The following EPHX4 variants were observed in gnomAD, a reference collection of about 807,000 sequenced individuals.
The protein encoded by EPHX4 is epoxide hydrolase 4.
A neutral mutation model predicts 44.9 loss-of-function variants in EPHX4; 31 were observed. That is an observed-to-expected ratio of 0.69 (90% CI 0.52 to 0.93). The LOEUF is 0.93. EPHX4 is among the 40% of genes least tolerant of loss of function. The probability of loss-of-function intolerance (pLI) is 0.00; values close to 1 mark genes in which losing one functional copy is unlikely to be tolerated. For missense variants in EPHX4, 373 were observed against 438.1 expected, an observed-to-expected ratio of 0.85 and a Z score of 1.33; for synonymous variants, 151 against 159.7, an observed-to-expected ratio of 0.95 and a Z score of 0.41.
rs201357000 is a variant in EPHX4, at chr1:92,042,960, A to G, written c.455A>G (p.Lys152Arg). The change falls in exon 3 of 7, where the codon AAG becomes AGG. Residue 152 changes from lysine to arginine, a missense_variant. Physicochemically the swap from Lys to Arg is conservative, Grantham distance 26 (BLOSUM62 2). Coordinates refer to ENST00000370383, the MANE Select transcript of EPHX4 (RefSeq NM_173567.5). ...TTGGATTGTCTAATTACAGATATAA[A>G]GGATATTTTAGATTCTTTAGGTAGG... ...YKLDCLITDI[K>R]DILDSLGYSK... 130 of 1,607,528 alleles carry G rather than the reference A, an allele frequency of 8.1e-5. No individual in the cohort carries two copies. Among genetic ancestry groups the G allele is most frequent in the Admixed American group, 2.9e-4 (17 of 59,318 alleles).
chr1:92,031,823 G>A (rs974955509), intron 1 of EPHX4, among the ~76,000 whole-genome samples: 1 of 151,686 alleles, frequency 6.6e-6, no homozygotes, highest in Non-Finnish European at 1.5e-5. Flanking sequence ...TTTTCCTTGG[G>A]TTTTCTTGTC....
chr1:92,030,492 G>GTGTGTGTGTGTGT (rs1557880299), intron 1 of EPHX4, among the ~76,000 whole-genome samples, 182 bp downstream of exon 1: 1 of 96,964 alleles, frequency 1.0e-5, no homozygotes, highest in African/African-American at 3.3e-5. Context: ...GTGTGAGAGA[G>GTGTGTGTGTGTGT]AGAGAGAGAG....
intron 6 of EPHX4, 125 bp from the exon 7 acceptor site, chr1:92,062,930 C>A: frequency 1.3e-6 from 1 of 779,684 alleles, no homozygotes; most frequent in South Asian, 1.9e-5. Flanking sequence ...CCCAAGAACA[C>A]AATTTTCACC....
chr1:92,062,211 A>C (rs1647512099), intron 6 of EPHX4, among the ~76,000 whole-genome samples: 1 of 152,192 alleles, frequency 6.6e-6, no homozygotes, highest in Non-Finnish European at 1.5e-5. Context: ...AACAATTTAA[A>C]ATAAAGCTAA....
At chr1:92,036,330 T>C (rs1343360538) in intron 2 of EPHX4, among the ~76,000 whole-genome samples, 1 of 152,166 alleles carries the variant, frequency 6.6e-6, no homozygotes, top group African/African-American at 2.4e-5. Context: ...TTGTGCGTGT[T>C]TTTCACAGTC....
At chr1:92,062,087 TAAAAAA>T (rs1364060815) in intron 6 of EPHX4, among the ~76,000 whole-genome samples, 1 of 152,082 alleles carries the variant, frequency 6.6e-6, no homozygotes, top group Non-Finnish European at 1.5e-5. Context: ...AACTTTGTTT[TAAAAAA>T]TAATCTTCTT....
rs1428125452 is a variant in EPHX4, at chr1:92,050,369, C to T, written c.657C>T (p.Phe219=). The change falls in exon 5 of 7, where the codon TTC becomes TTT. Residue 219 remains phenylalanine, a synonymous_variant. Coordinates refer to ENST00000370383, the MANE Select transcript of EPHX4 (RefSeq NM_173567.5). The part of the protein sequence containing the change: ...AQLLKSSYYY[F]FQIPWFPEFM... ...TGTTGAAATCCAGTTATTATTACTT[C>T]TTCCAAATACCATGGTTCCCAGAAT... 1 of 1,605,606 alleles carries T rather than the reference C, an allele frequency of 6.2e-7. No individual in the cohort carries two copies. Among genetic ancestry groups the T allele is most frequent in the African/African-American group, 1.3e-5 (1 of 74,776 alleles).
intron 6 of EPHX4, among the ~76,000 whole-genome samples, chr1:92,055,579 G>A (rs940433387): frequency 2.6e-5 from 4 of 152,122 alleles, no homozygotes; most frequent in African/African-American, 9.7e-5. Context: ...AAGGCAGATA[G>A]ATTGCAGAGG....
chr1:92,042,036 C>A (rs1043616835), intron 2 of EPHX4, among the ~76,000 whole-genome samples: 2 of 151,964 alleles, frequency 1.3e-5, no homozygotes, highest in South Asian at 4.2e-4. Context: ...GCAATAAGAG[C>A]GAAACTCTGT....
chr1:92,062,248 T>A (rs1647513054), intron 6 of EPHX4, among the ~76,000 whole-genome samples: 1 of 151,954 alleles, frequency 6.6e-6, no homozygotes, highest in Non-Finnish European at 1.5e-5. Context: ...AGTTTAAATC[T>A]CTCTTTCATT....
At chr1:92,060,740 A>G (rs922203640) in intron 6 of EPHX4, among the ~76,000 whole-genome samples, 3 of 151,988 alleles carry the variant, frequency 2.0e-5, no homozygotes, top group African/African-American at 7.2e-5. Context: ...CTCTTTGACT[A>G]ATGGTCTTTT....
chr1:92,041,973 C>T (rs939426924), intron 2 of EPHX4, among the ~76,000 whole-genome samples: 4 of 152,082 alleles, frequency 2.6e-5, no homozygotes, highest in South Asian at 2.1e-4. Context: ...TGCTTGAACC[C>T]GGGAGGCAGA....
At chr1:92,051,343 A>G (rs1289123063) in intron 5 of EPHX4, among the ~76,000 whole-genome samples, 1 of 152,060 alleles carries the variant, frequency 6.6e-6, no homozygotes, top group Non-Finnish European at 1.5e-5. Flanking sequence ...ATTAACTGTC[A>G]TAACTGTCTT....
chr1:92,048,357 G>A (rs996630192), intron 4 of EPHX4, among the ~76,000 whole-genome samples: 5 of 152,170 alleles, frequency 3.3e-5, no homozygotes, highest in African/African-American at 1.2e-4. Flanking sequence ...TTATTTTGGT[G>A]GTGGTGCTAT....
chr1:92,042,970 A>C lies in EPHX4; in HGVS notation c.465A>C (p.Leu155Phe). Residue 155 changes from leucine to phenylalanine, a missense_variant, in exon 3 of 7, where the codon TTA becomes TTC. By Grantham distance (22) the Leu-to-Phe change is conservative. Transcript: ENST00000370383. ...TAATTACAGATATAAAGGATATTTTAGATTCTTTAGGTAGGTTAGTTTGAA... is the reference window on the plus strand; with the variant it reads ...TAATTACAGATATAAAGGATATTTTCGATTCTTTAGGTAGGTTAGTTTGAA... The part of the protein sequence containing the change: ...DCLITDIKDI[L>F]DSLGYSKCVL... 6.2e-7 allele frequency: 1 copy of C among 1,604,176 alleles called. No homozygotes were observed. The highest frequency in any genetic ancestry group is 8.5e-7 in the Non-Finnish European group (1 of 1,174,518).
chr1:92,047,030 A>G (rs1004628407), intron 4 of EPHX4, among the ~76,000 whole-genome samples: 2 of 152,176 alleles, frequency 1.3e-5, no homozygotes, highest in African/African-American at 4.8e-5. Context: ...AGTATTGCAA[A>G]GCTGTGAAGC....
chr1:92,047,090 T>C (rs556516502), intron 4 of EPHX4, among the ~76,000 whole-genome samples: 1 of 152,342 alleles, frequency 6.6e-6, no homozygotes, highest in South Asian at 2.1e-4. Flanking sequence ...CATTTGAAAG[T>C]CTGATTTTTA....
At chr1:92,054,948 G>T (rs917943512) in intron 6 of EPHX4, among the ~76,000 whole-genome samples, 6 of 152,000 alleles carry the variant, frequency 3.9e-5, no homozygotes, top group African/African-American at 1.4e-4. Context: ...TAAAAAGCAA[G>T]TTGTAATTTT....
Position 92,042,846 on chromosome 1 carries a change from G to A in EPHX4, c.341G>A (p.Arg114Lys), listed in dbSNP as rs1404014584. 2 of 1,611,764 alleles carry A rather than the reference G, an allele frequency of 1.2e-6. No homozygotes were observed. Among genetic ancestry groups the A allele is most frequent in the South Asian group, 1.1e-5 (1 of 90,160 alleles). Residue 114 changes from arginine (R) to lysine (K), a missense_variant, in exon 3 of 7, where the codon AGA (arginine) becomes AAA (lysine). By Grantham distance (26) the Arg-to-Lys change is conservative. Coordinates refer to ENST00000370383, the MANE Select transcript of EPHX4 (RefSeq NM_173567.5). The part of the protein sequence containing the change: ...EFWYSWRYQL[R>K]EFKSEYRVVA... ...AGGTATTCTTGGCGTTACCAACTGA[G>A]AGAATTTAAAAGTGAATATCGAGTT...
Sources: allele counts gnomAD v4.1 joint callset (sites outside exome capture counted in the v4.1 genomes callset), GRCh38; gene constraint gnomAD v4.1.1; transcripts MANE v1.5; gene names NCBI Gene and HGNC (gene_info 2026-07-23, HGNC 2026-07-21).